Variants in FXR1 observed in about 807,000 individuals in gnomAD.
FXR1 encodes RNA-binding protein FXR1.
FXR1 carries 15 observed loss-of-function variants against 84.0 expected under a neutral mutation model. The ratio of observed to expected loss-of-function variants is 0.18; its 90% CI spans 0.12 to 0.27. The LOEUF (loss-of-function observed/expected upper bound fraction) is 0.27. FXR1 is among the 10% of genes least tolerant of loss of function. FXR1 has a pLI of 1.00. For missense variants in FXR1, 480 were observed against 774.4 expected, an observed-to-expected ratio of 0.62 and a Z score of 4.51; for synonymous variants, 245 against 250.7, an observed-to-expected ratio of 0.98 and a Z score of 0.21.
In FXR1 at chr3:180,949,209, T is replaced by C; in HGVS notation, c.514-18T>C. On this transcript the variant is annotated intron_variant, in intron 6 of 16. Transcript: ENST00000357559. ...AAGAATGATTAAAGTTTTGAGTAATTAGCTTGTTTGTTTATAGTCTGCCAG... is the reference window on the plus strand; with the variant it reads ...AAGAATGATTAAAGTTTTGAGTAATCAGCTTGTTTGTTTATAGTCTGCCAG... The C allele has an allele frequency of 8.2e-7, 1 of 1,219,890 alleles. No individual in the cohort carries two copies. Among genetic ancestry groups the C allele is most frequent in the Non-Finnish European group, 1.2e-6 (1 of 819,862 alleles). 75.6% of individuals were successfully genotyped at this position (1,219,890 alleles called of 1,614,324 possible). A position where few individuals can be genotyped will look rare whatever the true frequency, so the allele number is the denominator to read the frequency against.
intron 2 of FXR1, 39 bp from the exon 3 acceptor site, chr3:180,935,099 T>G (rs1174236978): frequency 7.5e-6 from 7 of 934,028 alleles, no homozygotes; most frequent in Non-Finnish European, 1.2e-5. Flanking sequence ...GTAGACTATA[T>G]ATTTTTAAGT....
Position 180,975,382 on chromosome 3 carries a change from T to G in FXR1, c.1673T>G (p.Leu558Trp). 1 of 1,502,096 alleles carries G rather than the reference T, an allele frequency of 6.7e-7. No homozygotes were observed. The highest frequency in any genetic ancestry group is 9.2e-7 in the Non-Finnish European group (1 of 1,090,800). The allele number at this position is 1,502,096 out of a possible 1,614,324, so 93.0% of individuals were successfully genotyped here. Reference protein sequence around the residue: ...SRQRNLPRETLAKNKKEMAKD... With the variant: ...SRQRNLPRETWAKNKKEMAKD... ...CAAAGAAACCTCCCAAGGGAAACTT[T>G]GGCTAAAAACAAGAAAGAAATGGTA... Residue 558 changes from leucine (L) to tryptophan (W), a missense_variant, in exon 16 of 17, where the codon TTG becomes TGG. By Grantham distance (61) the Leu-to-Trp change is moderately conservative (BLOSUM62 -2). Transcript: ENST00000357559.
intron 10 of FXR1, among the ~76,000 whole-genome samples, chr3:180,958,935 G>A (rs1711706563): frequency 6.6e-6 from 1 of 151,586 alleles, no homozygotes. Context: ...AGCTTCCTGA[G>A]TAGCTGGGAC....
chr3:180,924,918 AT>A (rs1718989678), intron 1 of FXR1, among the ~76,000 whole-genome samples: 3 of 152,316 alleles, frequency 2.0e-5, no homozygotes, highest in African/African-American at 7.2e-5. Context: ...TTATGTAGTT[AT>A]TGAAAAATAT....
At chr3:180,944,649 A>G (rs1309390398) in intron 3 of FXR1, among the ~76,000 whole-genome samples, 2 of 152,118 alleles carry the variant, frequency 1.3e-5, no homozygotes, top group African/African-American at 4.8e-5. Context: ...TTTAAAGGCC[A>G]TTATTGACTC....
chr3:180,912,989 G>C (rs1717410976), intron 1 of FXR1, among the ~76,000 whole-genome samples: 1 of 152,220 alleles, frequency 6.6e-6, no homozygotes, highest in South Asian at 2.1e-4. Flanking sequence ...TTGGTTGCTA[G>C]TGCGGTTCTT....
rs957164040 is a variant in FXR1, at chr3:180,968,247, C to A, written c.1395C>A (p.Ile465=). 7 of 1,595,666 alleles carry A rather than the reference C, an allele frequency of 4.4e-6. No individual in the cohort carries two copies. Residue 465 remains isoleucine (I), a synonymous_variant, in exon 14 of 17, where the codon ATC becomes ATA. Coordinates refer to ENST00000357559, the MANE Select transcript of FXR1 (RefSeq NM_005087.4). ...RGGPRGGKSS[I]SSVLKDPDSN... ...GACCACGTGGTGGCAAATCCTCCAT[C>A]AGTTCTGGTAGTCTTTTCTATACTC...
chr3:180,936,972 C>CT (rs1197734729), intron 3 of FXR1, among the ~76,000 whole-genome samples: 1 of 152,182 alleles, frequency 6.6e-6, no homozygotes, highest in East Asian at 1.9e-4. Flanking sequence ...GGTGAAGTGA[C>CT]TGCTGCAAAT....
chr3:180,942,704 AGT>A (rs921267376), intron 3 of FXR1, among the ~76,000 whole-genome samples: 1 of 152,180 alleles, frequency 6.6e-6, no homozygotes, highest in African/African-American at 2.4e-5. Flanking sequence ...ATGTTAGAGC[AGT>A]GTGTGGGCCA....
At chr3:180,928,966 A>G (rs1037114590) in intron 1 of FXR1, among the ~76,000 whole-genome samples, 18 of 151,502 alleles carry the variant, frequency 1.2e-4, no homozygotes, top group South Asian at 2.1e-4. Context: ...CTTGTTGCCT[A>G]GGCTGGAGTG....
At chr3:180,934,200 T>C (rs1465447100) in intron 2 of FXR1, among the ~76,000 whole-genome samples, 1 of 152,210 alleles carries the variant, frequency 6.6e-6, no homozygotes, top group African/African-American at 2.4e-5. Flanking sequence ...AAAAGATCTT[T>C]GCCTAACAGC....
chr3:180,961,454 T>A lies in FXR1; in HGVS notation c.991-14T>A, dbSNP rs3026199. 1 of 1,419,230 alleles carries A rather than the reference T, an allele frequency of 7.0e-7. No homozygotes were observed. The highest frequency in any genetic ancestry group is 1.2e-5 in the South Asian group (1 of 84,274). 87.9% of individuals were successfully genotyped at this position (1,419,230 alleles called of 1,614,324 possible). A position where few individuals can be genotyped will look rare whatever the true frequency, so the allele number is the denominator to read the frequency against. ...AATATTAAACACTGAATACTTTTTT[T>A]TTTTTTTAAACAGGGTATGGTTCCA... On this transcript the variant is annotated splice_polypyrimidine_tract_variant and intron_variant, in intron 10 of 16. Transcript: ENST00000357559.
chr3:180,970,440 G>C (rs1246135066), intron 15 of FXR1, 82 bp downstream of exon 15: 1 of 247,442 alleles, frequency 4.0e-6, no homozygotes, highest in Non-Finnish European at 7.2e-6. Context: ...ACTATTGTTA[G>C]TATATGAAGC....
rs1203062586 is a variant in FXR1, at chr3:180,981,424, T to C, written c.*5132T>C. 6.6e-6 allele frequency: 1 copy of C among 152,062 alleles called. No individual in the cohort carries two copies. Among genetic ancestry groups the C allele is most frequent in the Non-Finnish European group, 1.5e-5 (1 of 67,940 alleles). 9.4% of individuals were successfully genotyped at this position (152,062 alleles called of 1,614,324 possible). ...AATACTTGATGGCAGGAGAACTTGC[T>C]TAAAACTAAAGGTGGAGAAAGAGTT... On this transcript the variant is annotated 3_prime_UTR_variant, in exon 17 of 17. Transcript: ENST00000357559.
chr3:180,931,525 A>G (rs970494948), intron 1 of FXR1, among the ~76,000 whole-genome samples: 7 of 152,092 alleles, frequency 4.6e-5, no homozygotes, highest in South Asian at 2.1e-4. Flanking sequence ...GGCCTACCAT[A>G]GCAATCTTCA....
chr3:180,946,972 GA>G (rs1389429951), intron 3 of FXR1, among the ~76,000 whole-genome samples: 1 of 152,184 alleles, frequency 6.6e-6, no homozygotes, highest in East Asian at 1.9e-4. Context: ...AATCCCAAGT[GA>G]AAGCTTCTGT....
At chr3:180,955,291 G>A (rs1722641410) in intron 9 of FXR1, among the ~76,000 whole-genome samples, 2 of 152,022 alleles carry the variant, frequency 1.3e-5, no homozygotes, top group Non-Finnish European at 2.9e-5. Context: ...GATCCACCGC[G>A]CCCGGATGTA....
At chr3:180,927,769 T>C (rs1719403459) in intron 1 of FXR1, 4 of 441,352 alleles carry the variant, frequency 9.1e-6, no homozygotes, top group Non-Finnish European at 1.6e-5. Flanking sequence ...TTTAACAATT[T>C]AAAGGAGATT....
intron 3 of FXR1, among the ~76,000 whole-genome samples, chr3:180,942,599 A>G (rs1201026026): frequency 6.6e-6 from 1 of 152,106 alleles, no homozygotes; most frequent in Non-Finnish European, 1.5e-5. Flanking sequence ...TATTTATTTC[A>G]TCCTGTACTC....
Sources: gnomAD v4.1 joint callset for allele counts (sites outside exome capture counted in the v4.1 genomes callset) on GRCh38, gnomAD v4.1.1 for gene constraint, MANE v1.5 for transcripts, NCBI Gene and HGNC (gene_info 2026-07-23, HGNC 2026-07-21) for gene names.